RORB: variants seen among roughly 807,000 people sequenced by gnomAD.
The protein encoded by RORB is nuclear receptor ROR-beta.
In RORB, 6 loss-of-function variants were observed where a neutral mutation model predicts 59.1. The observed-to-expected ratio is 0.10, with a 90% confidence interval of 0.06 to 0.20. The LOEUF is 0.20. Ranked by LOEUF, RORB falls within the 10% of genes least tolerant of loss-of-function variation. RORB has a pLI of 1.00. For missense variants in RORB, 320 were observed against 560.5 expected (o/e 0.57, Z 4.33); for synonymous variants, 215 against 204.5 (o/e 1.05, Z -0.44).
intron 1 of RORB, among the ~76,000 whole-genome samples, chr9:74,506,682 A>T (rs977294959): frequency 3.9e-5 from 6 of 152,100 alleles, no homozygotes; most frequent in African/African-American, 1.4e-4. Context: ...CTCCATTTGA[A>T]ACTTGCAGGC....
intron 1 of RORB, among the ~76,000 whole-genome samples, chr9:74,504,455 T>C (rs903708128): frequency 9.9e-5 from 15 of 151,994 alleles, no homozygotes; most frequent in African/African-American, 3.6e-4. Flanking sequence ...TTCGCCAAAA[T>C]ATAAGGCTAA....
At chr9:74,678,150 G>T (rs1215630522) in intron 9 of RORB, among the ~76,000 whole-genome samples, 1 of 152,180 alleles carries the variant, frequency 6.6e-6, no homozygotes, top group Non-Finnish European at 1.5e-5. Context: ...CTCATTAGTT[G>T]AAACTTCAAG....
intron 9 of RORB, among the ~76,000 whole-genome samples, chr9:74,683,397 AC>A (rs1199607098): frequency 6.6e-6 from 1 of 152,166 alleles, no homozygotes; most frequent in African/African-American, 2.4e-5. Context: ...ACAGTTTTCC[AC>A]CCTGGACCCA....
chr9:74,602,493 G>A (rs538243916), intron 1 of RORB, among the ~76,000 whole-genome samples: 1 of 152,334 alleles, frequency 6.6e-6, no homozygotes, highest in South Asian at 2.1e-4. Context: ...AATGTTTAAT[G>A]CAGTGTTTGA....
chr9:74,586,041 G>C (rs961248134), intron 1 of RORB, among the ~76,000 whole-genome samples: 1 of 151,914 alleles, frequency 6.6e-6, no homozygotes, highest in Non-Finnish European at 1.5e-5. Context: ...TGATCCGCCC[G>C]CCTCGACCTC....
chr9:74,538,963 TG>T (rs760376831), intron 1 of RORB, among the ~76,000 whole-genome samples: 5 of 152,150 alleles, frequency 3.3e-5, no homozygotes, highest in Non-Finnish European at 7.4e-5. Context: ...TGGCAGCTAT[TG>T]TTTTCATTCC....
intron 8 of RORB, 119 bp from the exon 9 acceptor site, chr9:74,671,670 T>C (rs1824347781): frequency 1.8e-6 from 1 of 551,454 alleles, no homozygotes; most frequent in Non-Finnish European, 3.3e-6. Flanking sequence ...ATGACATGTC[T>C]TCAGAAGCAA....
chr9:74,551,156 C>T (rs896610079), intron 1 of RORB, among the ~76,000 whole-genome samples: 7 of 152,098 alleles, frequency 4.6e-5, no homozygotes, highest in Non-Finnish European at 8.8e-5. Flanking sequence ...TATGGTATTC[C>T]TCATTTGTCT....
intron 2 of RORB, among the ~76,000 whole-genome samples, chr9:74,633,849 G>A (rs1017422413): frequency 3.3e-5 from 5 of 152,086 alleles, no homozygotes; most frequent in Non-Finnish European, 7.4e-5. Flanking sequence ...AGTACTTTTT[G>A]TTGTTAGACA....
intron 1 of RORB, among the ~76,000 whole-genome samples, chr9:74,560,102 G>T (rs551411208): frequency 2.8e-4 from 42 of 152,172 alleles, no homozygotes; most frequent in African/African-American, 9.9e-4. Flanking sequence ...TTCCTCTACG[G>T]TTTACCCATT....
intron 1 of RORB, among the ~76,000 whole-genome samples, chr9:74,605,030 A>G (rs1304445439): frequency 1.3e-5 from 2 of 152,150 alleles, no homozygotes; most frequent in African/African-American, 2.4e-5. Context: ...TTATGTAGTA[A>G]CCCTTCATCC....
At chr9:74,585,739 T>A (rs1261475761) in intron 1 of RORB, among the ~76,000 whole-genome samples, 1 of 151,030 alleles carries the variant, frequency 6.6e-6, no homozygotes, top group East Asian at 2.0e-4. Flanking sequence ...CTCATGAGCA[T>A]TTAGATATTT....
chr9:74,511,420 A>G (rs1825937636), intron 1 of RORB, among the ~76,000 whole-genome samples: 2 of 152,256 alleles, frequency 1.3e-5, no homozygotes, highest in South Asian at 4.1e-4. Flanking sequence ...AACATCTTAG[A>G]AACTATTTTC....
intron 4 of RORB, among the ~76,000 whole-genome samples, chr9:74,658,740 A>G (rs2030151530): frequency 6.6e-6 from 1 of 152,226 alleles, no homozygotes; most frequent in African/African-American, 2.4e-5. Flanking sequence ...GGTGAAATTG[A>G]AAAATGATGA....
intron 1 of RORB, among the ~76,000 whole-genome samples, chr9:74,563,475 T>G (rs1217828220): frequency 1.3e-5 from 2 of 152,220 alleles, no homozygotes; most frequent in Non-Finnish European, 2.9e-5. Context: ...TGAGCCATCA[T>G]GCCTGGCCCT....
chr9:74,679,600 G>T (rs1156624997), intron 9 of RORB, among the ~76,000 whole-genome samples: 1 of 152,110 alleles, frequency 6.6e-6, no homozygotes, highest in African/African-American at 2.4e-5. Flanking sequence ...CGTGCCAGGT[G>T]CAAGGAGACA....
Position 74,569,459 on chromosome 9 carries a change from T to C in RORB, c.8-60823T>C, listed in dbSNP as rs1822518031. On this transcript the variant is annotated intron_variant, in intron 1 of 9. Coordinates refer to ENST00000376896, the MANE Select transcript of RORB (RefSeq NM_006914.4). The stretch of plus-strand genomic sequence containing the variant: ...TTCATTATGATGACAGTTTTAAAAG[T>C]AGGGCCAATTCAAGAGTGTTTATTA... Among the ~76,000 whole-genome samples, 3 of 152,094 alleles carry C rather than the reference T, an allele frequency of 2.0e-5. No homozygotes were observed. The South Asian group carries it at 6.2e-4, about 31-fold the overall frequency.
At chr9:74,671,152 G>C (rs1488310266) in intron 8 of RORB, among the ~76,000 whole-genome samples, 1 of 151,696 alleles carries the variant, frequency 6.6e-6, no homozygotes, top group African/African-American at 2.4e-5. Flanking sequence ...GGGAGAAAAA[G>C]AGAGAGGAAG....
chr9:74,618,696 C>A (rs749113040), intron 1 of RORB, among the ~76,000 whole-genome samples: 1 of 152,000 alleles, frequency 6.6e-6, no homozygotes, highest in Admixed American at 6.6e-5. Context: ...TGAGAAACAG[C>A]GTGTATGCTT....
Sources: allele counts gnomAD v4.1 joint callset (sites outside exome capture counted in the v4.1 genomes callset), GRCh38; gene constraint gnomAD v4.1.1; transcripts MANE v1.5; gene names NCBI Gene and HGNC (gene_info 2026-07-23, HGNC 2026-07-21).